MOBP: variants seen among roughly 807,000 people sequenced by gnomAD.
MOBP encodes the protein myelin associated oligodendrocyte basic protein, also known as myelin-associated oligodendrocyte basic protein.
Under a neutral mutation model 15.0 loss-of-function variants are expected in MOBP, and 5 were observed. The ratio of observed to expected loss-of-function variants is 0.33; its 90% CI spans 0.17 to 0.70. The LOEUF (loss-of-function observed/expected upper bound fraction) is 0.70. Ranked by LOEUF, MOBP falls within the 30% of genes least tolerant of loss-of-function variation. The pLI is 0.67. For synonymous variants in MOBP, 88 were observed against 99.0 expected, an observed-to-expected ratio of 0.89 and a Z score of 0.66; for missense variants, 188 against 257.8, an observed-to-expected ratio of 0.73 and a Z score of 1.85.
At chr3:39,501,987 G>C (rs1559423951) in intron 2 of MOBP, 79 bp from the exon 3 acceptor site, 5 of 1,212,166 alleles carry the variant, frequency 4.1e-6, no homozygotes, top group Non-Finnish European at 6.0e-6. Context: ...GGAGTAGCAG[G>C]GGGCTTCCAG....
At chr3:39,508,808 A>G (rs1043185928) in intron 4 of MOBP, among the ~76,000 whole-genome samples, 4 of 152,034 alleles carry the variant, frequency 2.6e-5, no homozygotes, top group East Asian at 1.9e-4. Context: ...CGGACTTTCA[A>G]AGTGCTGGGA....
chr3:39,480,364 G>A (rs776588903), intron 2 of MOBP, among the ~76,000 whole-genome samples: 19 of 152,182 alleles, frequency 1.2e-4, no homozygotes, highest in Non-Finnish European at 2.4e-4. Context: ...AAGCCACCGA[G>A]TGTCTGTGCT....
At chr3:39,515,024 A>G (rs2043181960) in exon 5 of MOBP, 1 of 149,084 alleles carries the variant, frequency 6.7e-6, no homozygotes, top group Admixed American at 6.8e-5. Flanking sequence ...GTATGTTGGG[A>G]AACTTAGCTT....
At chr3:39,511,660 T>A (rs2043121080) in intron 4 of MOBP, among the ~76,000 whole-genome samples, 1 of 152,202 alleles carries the variant, frequency 6.6e-6, no homozygotes, top group African/African-American at 2.4e-5. Flanking sequence ...TTTGGACATC[T>A]TTGCTGATCA....
chr3:39,516,405 C>T (rs1343963804), downstream of MOBP, among the ~76,000 whole-genome samples: 1 of 152,052 alleles, frequency 6.6e-6, no homozygotes, highest in East Asian at 1.9e-4. Context: ...AGCAGGGGTG[C>T]CTTTTCACTG....
intron 2 of MOBP, chr3:39,499,630 AT>A (rs1381466822): frequency 6.3e-6 from 1 of 158,646 alleles, no homozygotes; most frequent in Non-Finnish European, 1.4e-5. Flanking sequence ...CTGTTTCTTC[AT>A]GGATGTCCTT....
chr3:39,468,153 G>C (rs1439657068), intron 1 of MOBP, among the ~76,000 whole-genome samples: 2 of 151,554 alleles, frequency 1.3e-5, no homozygotes, highest in African/African-American at 2.4e-5. Flanking sequence ...TCTTATCTAG[G>C]AACAATTTTT....
downstream of MOBP, among the ~76,000 whole-genome samples, chr3:39,518,681 A>T (rs1308726811): frequency 6.6e-6 from 1 of 152,168 alleles, no homozygotes; most frequent in Non-Finnish European, 1.5e-5. Context: ...TGCAATGGAG[A>T]TAATCCTATT....
At chr3:39,495,951 G>A (rs2042874514) in intron 2 of MOBP, among the ~76,000 whole-genome samples, 1 of 151,392 alleles carries the variant, frequency 6.6e-6, no homozygotes, top group South Asian at 2.1e-4. Context: ...CTATAGAGAA[G>A]ATTATAATTA....
intron 2 of MOBP, among the ~76,000 whole-genome samples, chr3:39,496,902 A>G (rs1418276497): frequency 6.6e-6 from 1 of 151,762 alleles, no homozygotes; most frequent in Non-Finnish European, 1.5e-5. Context: ...ACCTTGGGTG[A>G]TTCGCCTGCC....
exon 5 of MOBP, chr3:39,524,777 G>A (rs1022900873): frequency 8.5e-5 from 13 of 152,228 alleles, no homozygotes; most frequent in Middle Eastern, 3.4e-3. Context: ...ATTGAAAATA[G>A]GAGAGAGATC....
intron 2 of MOBP, among the ~76,000 whole-genome samples, chr3:39,495,624 G>T (rs72870927): frequency 6.6e-6 from 1 of 151,212 alleles, no homozygotes; most frequent in Non-Finnish European, 1.5e-5. Context: ...GTAGTAGCAC[G>T]CACCTGTAGT....
intron 2 of MOBP, among the ~76,000 whole-genome samples, chr3:39,493,737 A>T (rs1410161656): frequency 2.6e-5 from 4 of 152,186 alleles, no homozygotes; most frequent in African/African-American, 4.8e-5. Context: ...AGGAGGTATG[A>T]TCATTACTCT....
intron 2 of MOBP, among the ~76,000 whole-genome samples, chr3:39,492,941 C>T (rs1324720922): frequency 6.6e-6 from 1 of 152,184 alleles, no homozygotes; most frequent in Non-Finnish European, 1.5e-5. Flanking sequence ...TGCATCTACC[C>T]TTCATTCTGC....
intron 2 of MOBP, among the ~76,000 whole-genome samples, chr3:39,492,345 T>A (rs1237352279): frequency 6.6e-6 from 1 of 151,812 alleles, no homozygotes; most frequent in African/African-American, 2.4e-5. Flanking sequence ...GATACTCAGG[T>A]TTTTCATACT....
chr3:39,509,996 G>A (rs1041485254), intron 4 of MOBP, among the ~76,000 whole-genome samples: 26 of 151,938 alleles, frequency 1.7e-4, no homozygotes, highest in African/African-American at 6.0e-4. Context: ...TTTTGTAATG[G>A]TGTGACGTAT....
At chr3:39,470,060 C>T (rs976539130) in intron 1 of MOBP, among the ~76,000 whole-genome samples, 1 of 152,198 alleles carries the variant, frequency 6.6e-6, no homozygotes, top group African/African-American at 2.4e-5. Context: ...CTAAGTGCAA[C>T]CATCTGCTGA....
intron 2 of MOBP, among the ~76,000 whole-genome samples, chr3:39,496,199 C>CT (rs539988699): frequency 0.29 from 41,289 of 144,288 alleles, 7,070 homozygotes; most frequent in African/African-American, 0.49. Flanking sequence ...TCTTTTTTTT[C>CT]TTTTTTTTTT....
chr3:39,510,919 T>TA (rs2043111637), intron 4 of MOBP, among the ~76,000 whole-genome samples: 1 of 152,246 alleles, frequency 6.6e-6, no homozygotes, highest in Admixed American at 6.5e-5. Flanking sequence ...GGCCCAAGCC[T>TA]AATAACACAA....
Sources: allele counts gnomAD v4.1 joint callset (sites outside exome capture counted in the v4.1 genomes callset), GRCh38; gene constraint gnomAD v4.1.1; transcripts MANE v1.5; gene names NCBI Gene and HGNC (gene_info 2026-07-23, HGNC 2026-07-21).